MRPL9: variants seen among roughly 807,000 people sequenced by gnomAD.
MRPL9 encodes the protein large ribosomal subunit protein bL9m.
A neutral mutation model predicts 27.6 loss-of-function variants in MRPL9; 25 were observed. That is an observed-to-expected ratio of 0.91 (90% confidence interval 0.66 to 1.27). The LOEUF is 1.27. MRPL9 is among the 50% of genes most tolerant of loss of function. MRPL9 has a pLI of 0.00. For missense variants in MRPL9, 362 were observed against 338.0 expected (o/e 1.07, Z -0.56); for synonymous variants, 154 against 139.0 (o/e 1.11, Z -0.76).
rs539663039 is a variant in MRPL9 at position 151,760,816 on chromosome 1, C to T, written c.672G>A (p.Thr224=). The T allele has an allele frequency of 3.1e-5, 48 of 1,571,282 alleles. 1 individual carries two copies. The highest frequency in any genetic ancestry group is 2.0e-4 in the South Asian group (17 of 84,806). Residue 224 remains threonine, a splice_region_variant and synonymous_variant, in exon 6 of 7, where the codon ACG becomes ACA. Transcript: ENST00000368830. The part of the protein sequence containing the change: ...TRWGEYWCEV[T]VNGLDTVRVP... ...AAAAGAAAGTATGCAAAACACTCAC[C>T]GTCACCTCACACCAATACTCGCCCC...
intron 6 of MRPL9, 49 bp from the exon 7 acceptor site, chr1:151,760,230 A>C (rs747923634): frequency 6.2e-7 from 1 of 1,609,794 alleles, no homozygotes; most frequent in Non-Finnish European, 8.5e-7. Flanking sequence ...GGTAAGTAAG[A>C]TTTAGCACCA....
chr1:151,762,284 T>C, intron 3 of MRPL9, 92 bp downstream of exon 3: 4 of 1,592,056 alleles, frequency 2.5e-6, no homozygotes, highest in Non-Finnish European at 3.4e-6. Flanking sequence ...CCTATTTCAT[T>C]TTCAAGTTAA....
chr1:151,760,474 G>C (rs942142803), intron 6 of MRPL9, among the ~76,000 whole-genome samples: 7 of 150,898 alleles, frequency 4.6e-5, no homozygotes, highest in Non-Finnish European at 1.5e-5. Context: ...CTACTAGGGG[G>C]ACTGAGGCAG....
At chr1:151,761,608 G>C in intron 4 of MRPL9, 56 bp from the exon 5 acceptor site, 1 of 1,358,732 alleles carries the variant, frequency 7.4e-7, no homozygotes, top group Non-Finnish European at 1.1e-6. Context: ...GGGTCACAGG[G>C]TATGCAAGCC....
rs186907195 is a variant in MRPL9, at chr1:151,762,141, T to C, written c.450A>G (p.Gly150=). 45 of 1,614,182 alleles carry C rather than the reference T, an allele frequency of 2.8e-5. No homozygotes were observed. The Admixed American group carries it at 4.3e-4, about 16-fold the overall frequency. Residue 150 remains glycine, a synonymous_variant, in exon 4 of 7, where the codon GGA becomes GGG. Transcript: ENST00000368830. ...FEEEKLLRQE[G]KLEKIQTKAG... ...CCTTGGTCTGGATCTTCTCTAATTT[T>C]CCTTCTTGTCTCAGCTAGAAAAGAA...
intron 5 of MRPL9, 84 bp downstream of exon 5, chr1:151,761,367 T>A: frequency 1.0e-6 from 1 of 953,328 alleles, no homozygotes; most frequent in Non-Finnish European, 1.7e-6. Context: ...CACCCCTTCC[T>A]AACAAAGGGA....
rs949040930 is a variant in MRPL9, at chr1:151,760,822, C to T, written c.666G>A (p.Glu222=). 2 of 1,587,458 alleles carry T rather than the reference C, an allele frequency of 1.3e-6. No homozygotes were observed. Among genetic ancestry groups the T allele is most frequent in the South Asian group, 1.1e-5 (1 of 87,394 alleles). Residue 222 remains glutamate, a synonymous_variant, in exon 6 of 7, where the codon GAG becomes GAA. Transcript: ENST00000368830. ...AAGTATGCAAAACACTCACCGTCAC[C>T]TCACACCAATACTCGCCCCACCGTG... is the stretch of plus-strand genomic sequence containing the variant. ...PITRWGEYWC[E]VTVNGLDTVR... is the part of the protein sequence containing the mutation.
chr1:151,760,757 A>C, intron 6 of MRPL9, 59 bp downstream of exon 6: 2 of 1,455,124 alleles, frequency 1.4e-6, no homozygotes, highest in Non-Finnish European at 1.9e-6. Context: ...AAGGAAAAAA[A>C]GGAAAAAGTG....
chr1:151,760,576 CAAAAAAA>C (rs11454049), intron 6 of MRPL9, among the ~76,000 whole-genome samples: 5 of 50,346 alleles, frequency 9.9e-5, no homozygotes, highest in South Asian at 2.1e-3. Context: ...GACTCCAGCT[CAAAAAAA>C]AAAAAAAAAA....
chr1:151,760,915 A>AAAAAAAAAAAAAAAG lies in MRPL9; in HGVS notation c.589-17_589-16insCTTTTTTTTTTTTTT, dbSNP rs1558127430. On this transcript the variant is annotated splice_polypyrimidine_tract_variant and intron_variant, in intron 5 of 6. Coordinates refer to ENST00000368830, the MANE Select transcript of MRPL9 (RefSeq NM_031420.4). ...CAACACCAAGCTGCAAAAAAAAAAA[A>AAAAAAAAAAAAAAAG]AAAAAAAAAAATCTCAGCTCAAATG... The AAAAAAAAAAAAAAAG allele has an allele frequency of 3.2e-6, 5 of 1,551,216 alleles. No individual in the cohort carries two copies. The African/African-American group carries it at 5.7e-5, about 18-fold the overall frequency.
intron 1 of MRPL9, 64 bp downstream of exon 1, chr1:151,763,263 C>A: frequency 6.5e-7 from 1 of 1,542,624 alleles, no homozygotes; most frequent in African/African-American, 1.4e-5. Context: ...CCCTCCAGGT[C>A]CCAGTGCGCC....
chr1:151,760,244 A>G (rs1186351916), intron 6 of MRPL9, 63 bp from the exon 7 acceptor site: 1 of 1,598,876 alleles, frequency 6.3e-7, no homozygotes, highest in Non-Finnish European at 8.6e-7. Flanking sequence ...AGCACCACCT[A>G]ATCCCAGCTT....
chr1:151,760,921 A>AAAGAAAAT, intron 5 of MRPL9, 22 bp from the exon 6 acceptor site: 1 of 1,540,780 alleles, frequency 6.5e-7, no homozygotes, highest in African/African-American at 1.5e-5. Context: ...AAAAAAAAAA[A>AAAGAAAAT]AAAAATCTCA....
In MRPL9 at chr1:151,762,175, A is replaced by G; in HGVS notation, c.436-20T>C. 2.5e-6 allele frequency: 4 copies of G among 1,613,974 alleles called. No individual in the cohort carries two copies. The South Asian group carries it at 4.4e-5, about 18-fold the overall frequency. On this transcript the variant is annotated intron_variant, in intron 3 of 6. Coordinates refer to ENST00000368830, the MANE Select transcript of MRPL9 (RefSeq NM_031420.4). The stretch of plus-strand genomic sequence containing the variant: ...TCTCAGCTAGAAAAGAAAGTTAAAG[A>G]TGAAAAGCAGTAAAAGAAAAATGAG...
In MRPL9 at chr1:151,762,448, A is replaced by C; in HGVS notation, c.363T>G (p.Asn121Lys). The change falls in exon 3 of 7, where the codon AAT becomes AAG. Residue 121 changes from asparagine (N) to lysine (K), a missense_variant. Asn to Lys is a moderately conservative substitution (Grantham distance 94). Coordinates refer to ENST00000368830, the MANE Select transcript of MRPL9 (RefSeq NM_031420.4). The stretch of plus-strand genomic sequence containing the variant: ...CAGCCAGTCCCTGAGGAAGGAGTCG[A>C]TTCCGGCCTAAAGATTTCTTCACTG... Reference protein sequence around the residue: ...LVSVKKSLGRNRLLPQGLAVY... With the variant: ...LVSVKKSLGRKRLLPQGLAVY... 1 of 1,614,186 alleles carries C rather than the reference A, an allele frequency of 6.2e-7. No homozygotes were observed. Among genetic ancestry groups the C allele is most frequent in the Non-Finnish European group, 8.5e-7 (1 of 1,180,024 alleles).
chr1:151,763,303 C>G, intron 1 of MRPL9, 24 bp downstream of exon 1: 3 of 1,589,884 alleles, frequency 1.9e-6, no homozygotes, highest in Non-Finnish European at 2.6e-6. Flanking sequence ...CGTATCTACC[C>G]CCTACCCCAG....
At chr1:151,762,918 G>A (rs1239959889) in intron 2 of MRPL9, 72 bp downstream of exon 2, 3 of 1,535,314 alleles carry the variant, frequency 2.0e-6, no homozygotes, top group Middle Eastern at 1.7e-4. Flanking sequence ...AAATAGTTGA[G>A]GGGGACGGGC....
At chr1:151,762,083 C>T (rs1164250708) in intron 4 of MRPL9, 22 bp downstream of exon 4, 1 of 1,613,158 alleles carries the variant, frequency 6.2e-7, no homozygotes, top group East Asian at 2.2e-5. Flanking sequence ...GACAAATAAA[C>T]ACTTTTTATG....
At position 151,762,105 on chromosome 1, in the gene MRPL9, C is replaced by A; in HGVS notation, c.486G>T (p.Ala162=). 3 of 1,613,982 alleles carry A rather than the reference C, an allele frequency of 1.9e-6. No individual in the cohort carries two copies. Among genetic ancestry groups the A allele is most frequent in the Non-Finnish European group, 2.5e-6 (3 of 1,179,888 alleles). ...LEKIQTKAGE[A]TVKFLKSCRL... Reference sequence around the variant, plus strand: ...AAACACTTTTTATGTTTCTACTCACCGCCTCACCTGCCTTGGTCTGGATCT... The same window carrying A: ...AAACACTTTTTATGTTTCTACTCACAGCCTCACCTGCCTTGGTCTGGATCT... Residue 162 remains alanine (A), a splice_region_variant and synonymous_variant, in exon 4 of 7, where the codon GCG becomes GCT. Coordinates refer to ENST00000368830, the MANE Select transcript of MRPL9 (RefSeq NM_031420.4).
Sources: allele counts gnomAD v4.1 joint callset (sites outside exome capture counted in the v4.1 genomes callset), GRCh38; gene constraint gnomAD v4.1.1; transcripts MANE v1.5; gene names NCBI Gene and HGNC (gene_info 2026-07-23, HGNC 2026-07-21).